Variants in NRXN3 observed in about 807,000 individuals in gnomAD.
NRXN3 encodes neurexin 3, also known as neurexin III.
Under a neutral mutation model 137.6 loss-of-function variants are expected in NRXN3, and 32 were observed. That is an observed-to-expected ratio of 0.23 (90% CI 0.18 to 0.31). NRXN3 has a LOEUF of 0.31. NRXN3 is among the 10% of genes least tolerant of loss of function. The pLI, the probability that NRXN3 is intolerant of heterozygous loss-of-function variation, is 1.00. For synonymous variants in NRXN3, 798 were observed against 784.5 expected, an observed-to-expected ratio of 1.02 and a Z score of -0.29; for missense variants, 1,574 against 2,062.5, an observed-to-expected ratio of 0.76 and a Z score of 4.59.
chr14:79,567,344 C>T (rs1230254935), intron 16 of NRXN3, among the ~76,000 whole-genome samples: 1 of 151,944 alleles, frequency 6.6e-6, no homozygotes, highest in Non-Finnish European at 1.5e-5. Context: ...CCGATCAAAA[C>T]TGACCTCCGG....
At chr14:79,632,710 T>C (rs922443022) in intron 16 of NRXN3, among the ~76,000 whole-genome samples, 8 of 151,762 alleles carry the variant, frequency 5.3e-5, no homozygotes, top group African/African-American at 7.3e-5. Flanking sequence ...CTAGTCACAA[T>C]ATTAAGTATT....
chr14:78,276,886 T>A (rs1199997338), intron 2 of NRXN3, among the ~76,000 whole-genome samples: 1 of 152,212 alleles, frequency 6.6e-6, no homozygotes, highest in Non-Finnish European at 1.5e-5. Flanking sequence ...TATTTTAACA[T>A]CTATTCCAGG....
At chr14:78,733,734 A>G (rs767645855) in intron 8 of NRXN3, among the ~76,000 whole-genome samples, 1 of 152,190 alleles carries the variant, frequency 6.6e-6, no homozygotes, top group Admixed American at 6.5e-5. Context: ...AAGGGATACT[A>G]TGTAAGGCTA....
chr14:79,823,099 C>G (rs1366644672), intron 20 of NRXN3, among the ~76,000 whole-genome samples: 3 of 151,998 alleles, frequency 2.0e-5, no homozygotes, highest in Non-Finnish European at 4.4e-5. Context: ...TATTATAGTC[C>G]CCAGCCAAAA....
chr14:78,950,829 C>T (rs898743173), intron 10 of NRXN3, among the ~76,000 whole-genome samples: 5 of 152,070 alleles, frequency 3.3e-5, no homozygotes, highest in Admixed American at 6.6e-5. Flanking sequence ...AGGAAGCTGC[C>T]GGGAGCTGGT....
At chr14:78,815,642 G>C (rs1431435451) in intron 10 of NRXN3, among the ~76,000 whole-genome samples, 1 of 151,734 alleles carries the variant, frequency 6.6e-6, no homozygotes, top group African/African-American at 2.4e-5. Flanking sequence ...CTGGACTTAT[G>C]GTTTTCTTCT....
chr14:78,487,754 A>G (rs1033904161), intron 4 of NRXN3, among the ~76,000 whole-genome samples: 2 of 99,614 alleles, frequency 2.0e-5, no homozygotes, highest in African/African-American at 5.1e-5. Flanking sequence ...TAAATAAATA[A>G]ATAAATAAAT....
chr14:79,293,026 T>G (rs2083453319), intron 15 of NRXN3, among the ~76,000 whole-genome samples: 1 of 152,210 alleles, frequency 6.6e-6, no homozygotes, highest in African/African-American at 2.4e-5. Flanking sequence ...AGTCTTGGCC[T>G]TATACAGACA....
At chr14:79,466,924 A>G (rs1379280951) in intron 15 of NRXN3, among the ~76,000 whole-genome samples, 4 of 152,170 alleles carry the variant, frequency 2.6e-5, no homozygotes, top group Non-Finnish European at 5.9e-5. Flanking sequence ...CAATGTACCC[A>G]GGCTCCCAGA....
At chr14:78,909,898 A>G (rs2099231813) in intron 10 of NRXN3, among the ~76,000 whole-genome samples, 1 of 152,094 alleles carries the variant, frequency 6.6e-6, no homozygotes, top group Non-Finnish European at 1.5e-5. Flanking sequence ...CAATCTGTCT[A>G]CACACCCATG....
intron 15 of NRXN3, among the ~76,000 whole-genome samples, chr14:79,124,880 G>GTT (rs149742513): frequency 2.0e-5 from 3 of 151,068 alleles, no homozygotes; most frequent in African/African-American, 7.3e-5. Context: ...TAAAATAGCT[G>GTT]TTTTTTTTTC....
chr14:79,602,930 A>G (rs2097944306), intron 16 of NRXN3, among the ~76,000 whole-genome samples: 1 of 152,110 alleles, frequency 6.6e-6, no homozygotes, highest in African/African-American at 2.4e-5. Flanking sequence ...GTGCTCACTC[A>G]ACTTTATTCC....
intron 1 of NRXN3, among the ~76,000 whole-genome samples, chr14:78,182,116 C>A (rs576743908): frequency 7.4e-6 from 1 of 134,780 alleles, no homozygotes; most frequent in African/African-American, 2.9e-5. Context: ...ATGATGGGGC[C>A]GGGGGGGACA....
Position 79,613,446 on chromosome 14 carries a change from C to T in NRXN3, c.3445-50332C>T, listed in dbSNP as rs146980256. Among the ~76,000 whole-genome samples, 3 of 152,290 alleles carry T rather than the reference C, an allele frequency of 2.0e-5. No individual in the cohort carries two copies. The East Asian group carries it at 5.8e-4, about 29-fold the overall frequency. Reference sequence around the variant, plus strand: ...CCTGTCTATGATATCCCAAGCATCACAAAGTACACTTCCAGCTCCTCAGAC... The same window carrying T: ...CCTGTCTATGATATCCCAAGCATCATAAAGTACACTTCCAGCTCCTCAGAC... On this transcript the variant is annotated intron_variant, in intron 16 of 20. Coordinates refer to ENST00000335750, the MANE Select transcript of NRXN3 (RefSeq NM_001330195.2).
chr14:78,243,840 C>T lies in NRXN3; in HGVS notation c.709+38C>T, dbSNP rs756237024. 65 of 1,479,770 alleles carry T rather than the reference C, an allele frequency of 4.4e-5. No homozygotes were observed. The highest frequency in any genetic ancestry group is 4.9e-5 in the Non-Finnish European group (54 of 1,104,050). The allele number at this position is 1,479,770 out of a possible 1,614,324, so 91.7% of individuals were successfully genotyped here. A position where few individuals can be genotyped will look rare whatever the true frequency, so the allele number is the denominator to read the frequency against. On this transcript the variant is annotated intron_variant, in intron 2 of 20. Transcript: ENST00000335750. This position sits in a 1 kb window ranked among gnomAD's most constrained non-coding sequence, Gnocchi z 4.2. ...CCCTCTCTTGCTAGAGACCCACCCACGGGATGGCTGAGGCTGGGGCTCCTG... is the reference window on the plus strand; with the variant it reads ...CCCTCTCTTGCTAGAGACCCACCCATGGGATGGCTGAGGCTGGGGCTCCTG...
chr14:79,688,068 G>T (rs1340912889), intron 17 of NRXN3, among the ~76,000 whole-genome samples: 4 of 152,014 alleles, frequency 2.6e-5, no homozygotes, highest in African/African-American at 4.8e-5. Flanking sequence ...ACTGGTAAGT[G>T]GGACCAAATA....
chr14:79,115,540 G>A (rs1160891255), intron 15 of NRXN3, among the ~76,000 whole-genome samples: 1 of 152,098 alleles, frequency 6.6e-6, no homozygotes, highest in Non-Finnish European at 1.5e-5. Context: ...ATTTGAGGAG[G>A]TGACAGATAT....
Position 78,552,583 on chromosome 14 carries a change from T to C in NRXN3, c.758-92537T>C, listed in dbSNP as rs1008435731. On this transcript the variant is annotated intron_variant, in intron 4 of 20. Coordinates refer to ENST00000335750, the MANE Select transcript of NRXN3 (RefSeq NM_001330195.2). The stretch of plus-strand genomic sequence containing the variant: ...CAGGAGGCTGAAGCAGGAGGATTGC[T>C]GGAGCCCAGGAGTTTGAGGCTGCAG... 5.9e-5 allele frequency among the ~76,000 whole-genome samples: 9 copies of C among 152,302 alleles called. No individual in the cohort carries two copies. In the East Asian group the frequency reaches 1.7e-3, roughly 29 times the overall value.
chr14:79,127,277 T>C (rs1310865720), intron 15 of NRXN3, among the ~76,000 whole-genome samples: 1 of 152,202 alleles, frequency 6.6e-6, no homozygotes, highest in Non-Finnish European at 1.5e-5. Context: ...TGGTAATACC[T>C]AGGTTTTCTT....
Sources: gnomAD v4.1 joint callset for allele counts (sites outside exome capture counted in the v4.1 genomes callset) on GRCh38, gnomAD v4.1.1 for gene constraint, Gnocchi (gnomAD v3.1) non-coding constraint, MANE v1.5 for transcripts, NCBI Gene and HGNC (gene_info 2026-07-23, HGNC 2026-07-21) for gene names.